Variants in B3GLCT observed in about 807,000 individuals in gnomAD.
The protein encoded by B3GLCT is beta-1,3-glucosyltransferase.
In B3GLCT, 65 loss-of-function variants were observed where a neutral mutation model predicts 63.4. That is an observed-to-expected ratio of 1.03 (90% CI 0.84 to 1.26). B3GLCT has a LOEUF of 1.26. Among genes scored for constraint, B3GLCT ranks in the 50% most tolerant of loss-of-function variants. The probability of loss-of-function intolerance (pLI) is 0.00; values close to 1 mark genes in which losing one functional copy is unlikely to be tolerated. For synonymous variants in B3GLCT, 233 were observed against 219.2 expected, an observed-to-expected ratio of 1.06 and a Z score of -0.55; for missense variants, 577 against 604.8, an observed-to-expected ratio of 0.95 and a Z score of 0.48.
At chr13:31,212,692 G>A (rs984344457) in intron 1 of B3GLCT, among the ~76,000 whole-genome samples, 1 of 152,210 alleles carries the variant, frequency 6.6e-6, no homozygotes, top group African/African-American at 2.4e-5. Context: ...TTACACAGAT[G>A]TGAGCCACCA....
At chr13:31,248,837 T>C (rs1256293854) in intron 6 of B3GLCT, among the ~76,000 whole-genome samples, 2 of 152,234 alleles carry the variant, frequency 1.3e-5, no homozygotes, top group African/African-American at 4.8e-5. Flanking sequence ...CGAATGACTT[T>C]ATAACCCTGT....
chr13:31,322,438 T>C (rs1273243349), intron 13 of B3GLCT, among the ~76,000 whole-genome samples: 1 of 152,286 alleles, frequency 6.6e-6, no homozygotes, highest in Non-Finnish European at 1.5e-5. Flanking sequence ...AAAATAATCC[T>C]GTAGCCTTTC....
intron 12 of B3GLCT, among the ~76,000 whole-genome samples, chr13:31,289,009 G>A (rs932287385): frequency 1.2e-4 from 18 of 152,018 alleles, no homozygotes; most frequent in Admixed American, 1.1e-3. Flanking sequence ...ATGAATTCAA[G>A]ATGTGAATGA....
intron 12 of B3GLCT, among the ~76,000 whole-genome samples, chr13:31,294,897 T>C (rs1464033885): frequency 2.0e-5 from 3 of 152,176 alleles, no homozygotes; most frequent in Admixed American, 2.0e-4. Flanking sequence ...TTCTGGTTTT[T>C]TTTTTGGAAT....
At chr13:31,312,618 C>G (rs1278637947) in intron 12 of B3GLCT, 2 of 152,086 alleles carry the variant, frequency 1.3e-5, no homozygotes, top group African/African-American at 2.4e-5. Context: ...TTTGCAGACA[C>G]AAGCAGCATC....
At chr13:31,311,336 C>G (rs1038842572) in intron 12 of B3GLCT, 5 of 152,412 alleles carry the variant, frequency 3.3e-5, no homozygotes, top group African/African-American at 1.2e-4. Context: ...ATGCTCAATT[C>G]TAAACTGGAG....
chr13:31,288,635 G>A (rs747893614), intron 12 of B3GLCT, among the ~76,000 whole-genome samples: 4 of 152,048 alleles, frequency 2.6e-5, no homozygotes, highest in Admixed American at 1.3e-4. Context: ...CACATACCAC[G>A]AACCTTGTGT....
At chr13:31,252,973 C>T (rs1054933285) in intron 6 of B3GLCT, among the ~76,000 whole-genome samples, 1 of 152,144 alleles carries the variant, frequency 6.6e-6, no homozygotes, top group Non-Finnish European at 1.5e-5. Flanking sequence ...TAAAACACTC[C>T]TCAGCAAATG....
chr13:31,299,200 T>C (rs916514418), intron 12 of B3GLCT, among the ~76,000 whole-genome samples: 3 of 152,322 alleles, frequency 2.0e-5, no homozygotes, highest in South Asian at 4.1e-4. Context: ...GCACACACTC[T>C]TGAAGGCATG....
intron 12 of B3GLCT, among the ~76,000 whole-genome samples, chr13:31,292,543 G>T (rs929043803): frequency 6.6e-6 from 1 of 152,144 alleles, no homozygotes; most frequent in African/African-American, 2.4e-5. Context: ...TCTTGGGAGG[G>T]TGTAGGTGTC....
At chr13:31,245,684 A>T (rs1871167361) in intron 4 of B3GLCT, among the ~76,000 whole-genome samples, 1 of 152,144 alleles carries the variant, frequency 6.6e-6, no homozygotes, top group African/African-American at 2.4e-5. Context: ...ATTTGCATTT[A>T]CCCATAATTA....
At chr13:31,292,699 C>CTTTTTTTTT (rs56038439) in intron 12 of B3GLCT, among the ~76,000 whole-genome samples, 4 of 147,520 alleles carry the variant, frequency 2.7e-5, no homozygotes, top group African/African-American at 2.5e-5. Flanking sequence ...ATTCTTCTCT[C>CTTTTTTTTT]TTTTTTTTTT....
intron 1 of B3GLCT, among the ~76,000 whole-genome samples, chr13:31,200,379 C>A (rs1318708320): frequency 6.7e-6 from 1 of 149,622 alleles, no homozygotes; most frequent in South Asian, 2.1e-4. Context: ...CCCGCTCGGC[C>A]CCTTTCGGTC....
At chr13:31,274,660 T>C (rs1338803994) in intron 9 of B3GLCT, 32 bp downstream of exon 9, 1 of 1,613,296 alleles carries the variant, frequency 6.2e-7, no homozygotes, top group Non-Finnish European at 8.5e-7. Context: ...TCTTTGCATA[T>C]CAAAGGAAAA....
At chr13:31,205,279 G>A (rs1333987035) in intron 1 of B3GLCT, among the ~76,000 whole-genome samples, 2 of 150,646 alleles carry the variant, frequency 1.3e-5, no homozygotes, top group African/African-American at 4.9e-5. Flanking sequence ...GTGTCTGGTC[G>A]GGCATGGTGG....
chr13:31,222,657 T>C (rs1325024065), intron 2 of B3GLCT, among the ~76,000 whole-genome samples: 1 of 152,188 alleles, frequency 6.6e-6, no homozygotes, highest in African/African-American at 2.4e-5. Flanking sequence ...AGTTAAACAT[T>C]CACTGCATCT....
intron 3 of B3GLCT, among the ~76,000 whole-genome samples, chr13:31,227,990 C>T (rs111977178): frequency 0.015 from 2,303 of 152,318 alleles, 64 homozygotes; most frequent in African/African-American, 0.052. Flanking sequence ...CCTGGGGAGG[C>T]CTAACGTGTT....
intron 2 of B3GLCT, among the ~76,000 whole-genome samples, chr13:31,215,331 G>GA (rs1218612087): frequency 1.4e-4 from 21 of 152,240 alleles, no homozygotes; most frequent in Admixed American, 6.5e-4. Flanking sequence ...GTTATTTTGA[G>GA]AAAAAACGTG....
intron 1 of B3GLCT, 107 bp downstream of exon 1, chr13:31,200,261 T>G: frequency 3.5e-6 from 2 of 573,622 alleles, no homozygotes; most frequent in Non-Finnish European, 4.5e-6. Flanking sequence ...GGCCCAGCCC[T>G]GCCCCGCCGG....
Sources: gnomAD v4.1 joint callset for allele counts (sites outside exome capture counted in the v4.1 genomes callset) on GRCh38, gnomAD v4.1.1 for gene constraint, MANE v1.5 for transcripts, NCBI Gene and HGNC (gene_info 2026-07-23, HGNC 2026-07-21) for gene names.